The following CDH12 variants were observed in gnomAD, a reference collection of about 807,000 sequenced individuals.
CDH12 encodes the protein cadherin 12.
CDH12 carries 41 observed loss-of-function variants against 74.1 expected under a neutral mutation model. That is an observed-to-expected ratio of 0.55 (90% CI 0.43 to 0.72). The LOEUF is 0.72. Among genes scored for constraint, CDH12 ranks in the 30% least tolerant of loss-of-function variants. The pLI, the probability that CDH12 is intolerant of heterozygous loss-of-function variation, is 0.00. For synonymous variants in CDH12, 399 were observed against 355.0 expected, an observed-to-expected ratio of 1.12 and a Z score of -1.39; for missense variants, 945 against 977.2, an observed-to-expected ratio of 0.97 and a Z score of 0.44.
At chr5:22,050,434 A>T (rs1018877240) in intron 5 of CDH12, among the ~76,000 whole-genome samples, 2 of 152,120 alleles carry the variant, frequency 1.3e-5, no homozygotes, top group African/African-American at 2.4e-5. Flanking sequence ...CTAAAACAAA[A>T]CCTGACACAC....
intron 3 of CDH12, among the ~76,000 whole-genome samples, chr5:22,342,199 C>G (rs185194721): frequency 6.6e-6 from 1 of 152,070 alleles, no homozygotes; most frequent in African/African-American, 2.4e-5. Context: ...GTCCCACTTC[C>G]GAATACCATC....
chr5:22,516,113 A>G lies in CDH12; in HGVS notation c.-522-10749T>C, dbSNP rs1241476656. Among the ~76,000 whole-genome samples the G allele has an allele frequency of 2.0e-5, 3 of 152,316 alleles. No homozygotes were observed. The East Asian group carries it at 5.8e-4, about 29-fold the overall frequency. ...AAGCAATGCACTATGTCGTAAAACT[A>G]AGGACATAATGAGATACTATGAACA... On this transcript the variant is annotated intron_variant, in intron 1 of 14. Coordinates refer to ENST00000382254, the MANE Select transcript of CDH12 (RefSeq NM_004061.5).
intron 1 of CDH12, among the ~76,000 whole-genome samples, chr5:22,529,902 G>A (rs1230214514): frequency 6.6e-6 from 1 of 152,136 alleles, no homozygotes; most frequent in African/African-American, 2.4e-5. Context: ...CTCACAGTCT[G>A]CTGTCACATG....
intron 1 of CDH12, among the ~76,000 whole-genome samples, chr5:22,606,816 T>C (rs922314356): frequency 2.6e-5 from 4 of 152,082 alleles, no homozygotes; most frequent in Non-Finnish European, 5.9e-5. Flanking sequence ...TTGGAACAGT[T>C]TGGGTGTCTC....
chr5:22,521,950 G>A (rs1737072471), intron 1 of CDH12, among the ~76,000 whole-genome samples: 1 of 152,140 alleles, frequency 6.6e-6, no homozygotes, highest in African/African-American at 2.4e-5. Flanking sequence ...GCAAAAAGTT[G>A]TTGAAAAGAA....
chr5:22,639,698 GT>G (rs1164582503), intron 1 of CDH12, among the ~76,000 whole-genome samples: 1 of 151,970 alleles, frequency 6.6e-6, no homozygotes, highest in Non-Finnish European at 1.5e-5. Flanking sequence ...TTTTTACCTG[GT>G]AAACTCAGTT....
At chr5:22,621,686 T>A (rs2126962) in intron 1 of CDH12, among the ~76,000 whole-genome samples, 1 of 152,094 alleles carries the variant, frequency 6.6e-6, no homozygotes, top group Non-Finnish European at 1.5e-5. Flanking sequence ...TAATAAATAC[T>A]ACAGTTGTTG....
At chr5:22,829,682 A>G (rs1736495284) in intron 1 of CDH12, among the ~76,000 whole-genome samples, 2 of 152,212 alleles carry the variant, frequency 1.3e-5, no homozygotes, top group Admixed American at 1.3e-4. Flanking sequence ...CTGTTCTCAC[A>G]ATGAGATACT....
intron 3 of CDH12, among the ~76,000 whole-genome samples, chr5:22,349,493 G>A (rs1401789021): frequency 6.6e-6 from 1 of 152,030 alleles, no homozygotes; most frequent in Non-Finnish European, 1.5e-5. Context: ...TTGTTTCTCA[G>A]TGGCTATAAT....
intron 5 of CDH12, among the ~76,000 whole-genome samples, chr5:22,020,714 T>A (rs2150160959): frequency 6.6e-6 from 1 of 151,928 alleles, no homozygotes; most frequent in South Asian, 2.1e-4. Context: ...TCTTTCTCCC[T>A]CTTCTGAGAG....
intron 3 of CDH12, among the ~76,000 whole-genome samples, chr5:22,253,507 C>T (rs1753204077): frequency 6.6e-6 from 1 of 151,710 alleles, no homozygotes; most frequent in Non-Finnish European, 1.5e-5. Context: ...AATAACATGC[C>T]TTAAATAATT....
At chr5:22,717,974 T>A (rs1416191206) in intron 1 of CDH12, among the ~76,000 whole-genome samples, 2 of 152,206 alleles carry the variant, frequency 1.3e-5, no homozygotes, top group African/African-American at 4.8e-5. Context: ...TTTTCTGTCT[T>A]TTGGCCTGTG....
chr5:21,868,621 C>T (rs1477959795), intron 6 of CDH12, among the ~76,000 whole-genome samples: 1 of 152,070 alleles, frequency 6.6e-6, no homozygotes, highest in East Asian at 1.9e-4. Flanking sequence ...GAATAGTTAC[C>T]CCTTTCTTCT....
chr5:22,240,247 CTATT>C (rs1181905732), intron 3 of CDH12, among the ~76,000 whole-genome samples: 1 of 152,110 alleles, frequency 6.6e-6, no homozygotes, highest in Admixed American at 6.6e-5. Flanking sequence ...CTTCATTCTT[CTATT>C]TAGACAACTG....
chr5:22,346,880 G>GT (rs2150460601), intron 3 of CDH12, among the ~76,000 whole-genome samples: 1 of 152,230 alleles, frequency 6.6e-6, no homozygotes, highest in South Asian at 2.1e-4. Flanking sequence ...TCACCTGTAG[G>GT]TAACTGGAAA....
At chr5:22,186,549 C>A (rs1220317447) in intron 4 of CDH12, among the ~76,000 whole-genome samples, 3 of 152,206 alleles carry the variant, frequency 2.0e-5, no homozygotes, top group Non-Finnish European at 4.4e-5. Flanking sequence ...CAGCTCACTG[C>A]AACCTCTGCC....
At chr5:22,362,623 C>T (rs961451333) in intron 3 of CDH12, among the ~76,000 whole-genome samples, 87 of 151,970 alleles carry the variant, frequency 5.7e-4, no homozygotes, top group Non-Finnish European at 1.1e-3. Flanking sequence ...TATAAAGACA[C>T]ATGCACACAT....
chr5:22,581,594 G>A (rs1318101946), intron 1 of CDH12, among the ~76,000 whole-genome samples: 3 of 152,172 alleles, frequency 2.0e-5, no homozygotes, highest in Non-Finnish European at 2.9e-5. Context: ...TGGGGTCAGG[G>A]CCCCACACAG....
At chr5:22,545,931 T>G (rs1738306290) in intron 1 of CDH12, among the ~76,000 whole-genome samples, 1 of 151,710 alleles carries the variant, frequency 6.6e-6, no homozygotes, top group Non-Finnish European at 1.5e-5. Context: ...AGATTTTTGT[T>G]GTTGTTGTTG....
Sources: allele counts gnomAD v4.1 joint callset (sites outside exome capture counted in the v4.1 genomes callset), GRCh38; gene constraint gnomAD v4.1.1; transcripts MANE v1.5; gene names NCBI Gene and HGNC (gene_info 2026-07-23, HGNC 2026-07-21).